RCOR1: variants seen among roughly 807,000 people sequenced by gnomAD.
RCOR1 encodes the protein REST corepressor 1, also known as REST corepressor.
A neutral mutation model predicts 64.0 loss-of-function variants in RCOR1; 12 were observed. The ratio of observed to expected loss-of-function variants is 0.19; its 90% confidence interval spans 0.12 to 0.30. The LOEUF is 0.30. Ranked by LOEUF, RCOR1 falls within the 10% of genes least tolerant of loss-of-function variation. RCOR1 has a pLI of 1.00. For missense variants in RCOR1, 502 were observed against 621.2 expected (o/e 0.81, Z 2.04); for synonymous variants, 279 against 227.2 (o/e 1.23, Z -2.05).
chr14:102,696,935 A>G (rs965991236), intron 3 of RCOR1, among the ~76,000 whole-genome samples: 2 of 142,728 alleles, frequency 1.4e-5, no homozygotes, highest in South Asian at 4.3e-4. Context: ...TGCACTTTTC[A>G]TTTTCATTGC....
At chr14:102,716,944 C>T (rs749091175) in intron 8 of RCOR1, among the ~76,000 whole-genome samples, 2 of 152,144 alleles carry the variant, frequency 1.3e-5, no homozygotes, top group Non-Finnish European at 2.9e-5. Flanking sequence ...GTTTTCTGAT[C>T]AGTGAACCTG....
At chr14:102,623,272 GTATT>G (rs1468525659) in intron 2 of RCOR1, among the ~76,000 whole-genome samples, 4 of 151,892 alleles carry the variant, frequency 2.6e-5, no homozygotes, top group African/African-American at 9.7e-5. Context: ...CATTGATTTA[GTATT>G]TATTGTTATT....
intron 3 of RCOR1, among the ~76,000 whole-genome samples, chr14:102,698,270 G>T (rs1348312540): frequency 6.6e-6 from 1 of 152,160 alleles, no homozygotes; most frequent in African/African-American, 2.4e-5. Flanking sequence ...TGCAGACAGT[G>T]GGCACAGGCA....
rs773599590 is a variant in RCOR1 at position 102,729,613 on chromosome 14, G to C, written c.*3107G>C. On this transcript the variant is annotated 3_prime_UTR_variant, in exon 12 of 12. Transcript: ENST00000262241. Reference sequence around the variant, plus strand: ...GTTAGTTGGGTTGTAACAGCTTACTGGGGTGGACTCATAAAACAGTGGCTT... The same window carrying C: ...GTTAGTTGGGTTGTAACAGCTTACTCGGGTGGACTCATAAAACAGTGGCTT... 8.0e-6 allele frequency: 3 copies of C among 374,864 alleles called. No individual in the cohort carries two copies. The highest frequency in any genetic ancestry group is 1.4e-5 in the Non-Finnish European group (3 of 211,342). 23.2% of individuals were successfully genotyped at this position (374,864 alleles called of 1,614,324 possible). A position where few individuals can be genotyped will look rare whatever the true frequency, so the allele number is the denominator to read the frequency against.
intron 3 of RCOR1, among the ~76,000 whole-genome samples, chr14:102,693,528 A>AAACAGTGGGACTT (rs1413334853): frequency 4.6e-5 from 7 of 152,150 alleles, no homozygotes; most frequent in Admixed American, 3.3e-4. Flanking sequence ...TCCACATTGC[A>AAACAGTGGGACTT]AACAGTGGGA....
At chr14:102,676,769 C>G (rs1308310038) in intron 2 of RCOR1, among the ~76,000 whole-genome samples, 1 of 93,898 alleles carries the variant, frequency 1.1e-5, no homozygotes, top group Non-Finnish European at 2.2e-5. Flanking sequence ...GGCGGCTGGC[C>G]GGGCAGAGGG....
chr14:102,643,091 G>T (rs553703010), intron 2 of RCOR1, among the ~76,000 whole-genome samples: 2 of 152,162 alleles, frequency 1.3e-5, no homozygotes, highest in African/African-American at 2.4e-5. Context: ...GACCATCCTG[G>T]CTAACACGGT....
At chr14:102,629,442 T>TCCCCCCCCCCCC (rs34832312) in intron 2 of RCOR1, among the ~76,000 whole-genome samples, 1 of 145,964 alleles carries the variant, frequency 6.9e-6, no homozygotes, top group African/African-American at 2.6e-5. Flanking sequence ...CTTAACAGCC[T>TCCCCCCCCCCCC]CCCCCCCCCC....
chr14:102,592,940 G>T lies in RCOR1; in HGVS notation c.54G>T (p.Arg18Ser). 2 of 1,219,186 alleles carry T rather than the reference G, an allele frequency of 1.6e-6. No individual in the cohort carries two copies. Among genetic ancestry groups the T allele is most frequent in the Non-Finnish European group, 1.0e-6 (1 of 972,560 alleles). 75.5% of individuals were successfully genotyped at this position (1,219,186 alleles called of 1,614,324 possible). A position where few individuals can be genotyped will look rare whatever the true frequency, so the allele number is the denominator to read the frequency against. Residue 18 changes from arginine (R) to serine (S), a missense_variant, in exon 1 of 12, where the codon AGG becomes AGT. By Grantham distance (110) the Arg-to-Ser change is moderately radical (BLOSUM62 -1). Around this residue, in one of 2 missense-constraint regions of RCOR1, gnomAD observed 242 missense variants for 204.9 expected, o/e 1.18. Transcript: ENST00000262241. ...GPEVSGKRRG[R>S]NNAAASASAA... ...AGGTCTCAGGGAAGCGGAGAGGGAG[G>T]AACAACGCGGCCGCCTCCGCCTCCG...
intron 2 of RCOR1, among the ~76,000 whole-genome samples, chr14:102,629,466 A>G (rs75596956): frequency 0.031 from 4,557 of 147,034 alleles, 238 homozygotes; most frequent in African/African-American, 0.1. Flanking sequence ...CACTGCTTCT[A>G]GAATAGTGCC....
At chr14:102,663,758 A>T (rs879307874) in intron 2 of RCOR1, among the ~76,000 whole-genome samples, 5 of 152,194 alleles carry the variant, frequency 3.3e-5, no homozygotes, top group Non-Finnish European at 7.3e-5. Flanking sequence ...CTGTGAAATT[A>T]ATTGGTCTCT....
rs1409742722 is a variant in RCOR1, at chr14:102,722,247, T to C, written c.1250T>C (p.Val417Ala). The C allele has an allele frequency of 1.2e-6, 2 of 1,614,130 alleles. No homozygotes were observed. The highest frequency in any genetic ancestry group is 3.3e-5 in the Admixed American group (2 of 60,022). ...TCAGACGTGATTGGGAACAAATCAGTGGTACAAGTGAAAAACTTTTTTGTA... is the reference window on the plus strand; with the variant it reads ...TCAGACGTGATTGGGAACAAATCAGCGGTACAAGTGAAAAACTTTTTTGTA... ...AISDVIGNKS[V>A]VQVKNFFVNY... is the part of the protein sequence containing the mutation. Residue 417 changes from valine to alanine, a missense_variant, in exon 11 of 12, where the codon GTG becomes GCG. Transcript: ENST00000262241.
intron 2 of RCOR1, chr14:102,656,191 G>A: frequency 8.3e-6 from 7 of 841,014 alleles, no homozygotes; most frequent in Non-Finnish European, 1.0e-5. Context: ...CCAGACTGGA[G>A]TGCAGTGGTG....
At chr14:102,679,304 T>A (rs1488976472) in intron 2 of RCOR1, among the ~76,000 whole-genome samples, 1 of 152,068 alleles carries the variant, frequency 6.6e-6, no homozygotes. Context: ...GGATCCAAAT[T>A]TTTTTAAAAA....
chr14:102,721,388 GT>G lies in RCOR1; in HGVS notation c.1189+13del. 1 of 1,610,686 alleles carries G rather than the reference GT, an allele frequency of 6.2e-7. No individual in the cohort carries two copies. The highest frequency in any genetic ancestry group is 8.5e-7 in the Non-Finnish European group (1 of 1,176,968). ...TTCTCGCCGTACAAGGTAGGGGGAA[GT>G]TCTTCTAAAGAGTTTAGGAGGCCGG... On this transcript the variant is annotated intron_variant, in intron 10 of 11. Coordinates refer to ENST00000262241, the MANE Select transcript of RCOR1 (RefSeq NM_015156.4).
intron 2 of RCOR1, among the ~76,000 whole-genome samples, chr14:102,676,353 C>G (rs1178080406): frequency 3.5e-5 from 5 of 143,908 alleles, no homozygotes; most frequent in Admixed American, 3.4e-4. Context: ...ACCCCCCCAC[C>G]ACCCTCCCGG....
chr14:102,593,203 C>T lies in RCOR1; in HGVS notation c.301+16C>T, dbSNP rs776208075. 2.7e-6 allele frequency: 4 copies of T among 1,477,740 alleles called. No individual in the cohort carries two copies. The highest frequency in any genetic ancestry group is 5.6e-5 in the Admixed American group (2 of 35,842). 91.5% of individuals were successfully genotyped at this position (1,477,740 alleles called of 1,614,324 possible). ...GAGGAGCACGGTAGGTGGCAGCCGCCCCCGCGGCCCCGGGCCCCGCGCCCC... is the reference window on the plus strand; with the variant it reads ...GAGGAGCACGGTAGGTGGCAGCCGCTCCCGCGGCCCCGGGCCCCGCGCCCC... On this transcript the variant is annotated intron_variant, in intron 1 of 11. Coordinates refer to ENST00000262241, the MANE Select transcript of RCOR1 (RefSeq NM_015156.4).
At chr14:102,703,096 G>A (rs1350273419) in intron 4 of RCOR1, among the ~76,000 whole-genome samples, 3 of 152,246 alleles carry the variant, frequency 2.0e-5, no homozygotes, top group Admixed American at 6.5e-5. Flanking sequence ...TTCACTAGAC[G>A]TGCTCAAAGG....
At chr14:102,601,514 T>G (rs1283467069) in intron 2 of RCOR1, among the ~76,000 whole-genome samples, 1 of 151,878 alleles carries the variant, frequency 6.6e-6, no homozygotes, top group African/African-American at 2.4e-5. Flanking sequence ...AGGAAGGAGG[T>G]GTAGGTGGCA....
Sources: allele counts gnomAD v4.1 joint callset (sites outside exome capture counted in the v4.1 genomes callset), GRCh38; gene constraint gnomAD v4.1.1; regional missense constraint gnomAD v4.1.1; transcripts MANE v1.5; gene names NCBI Gene and HGNC (gene_info 2026-07-23, HGNC 2026-07-21).